DOCK1: variants seen among roughly 807,000 people sequenced by gnomAD.
The protein encoded by DOCK1 is dedicator of cytokinesis protein 1.
Under a neutral mutation model 262.7 loss-of-function variants are expected in DOCK1, and 138 were observed. The ratio of observed to expected loss-of-function variants is 0.53; its 90% CI spans 0.46 to 0.61. The LOEUF (loss-of-function observed/expected upper bound fraction) is 0.61, where lower values mean the gene tolerates loss of function less well. Among genes scored for constraint, DOCK1 ranks in the 20% least tolerant of loss-of-function variants. The pLI, the probability that DOCK1 is intolerant of heterozygous loss-of-function variation, is 0.00. For synonymous variants in DOCK1, 866 were observed against 867.4 expected, an observed-to-expected ratio of 1.00 and a Z score of 0.03; for missense variants, 1,908 against 2,370.7, an observed-to-expected ratio of 0.80 and a Z score of 4.05.
chr10:127,002,332 C>G (rs1293314792), intron 10 of DOCK1, among the ~76,000 whole-genome samples: 1 of 152,152 alleles, frequency 6.6e-6, no homozygotes, highest in Non-Finnish European at 1.5e-5. Flanking sequence ...CCTACGAATG[C>G]GTAGTTATAT....
chr10:127,373,910 A>G, intron 34 of DOCK1, 44 bp downstream of exon 34: 3 of 1,569,964 alleles, frequency 1.9e-6, no homozygotes, highest in Middle Eastern at 1.7e-4. Flanking sequence ...AGAGATACAG[A>G]GACAGAGAGA....
At chr10:127,047,955 C>T (rs966612272) in intron 21 of DOCK1, among the ~76,000 whole-genome samples, 2 of 152,100 alleles carry the variant, frequency 1.3e-5, no homozygotes, top group South Asian at 2.1e-4. Flanking sequence ...TTGGCTATTC[C>T]GAATAAGGCT....
intron 29 of DOCK1, among the ~76,000 whole-genome samples, chr10:127,282,921 C>G (rs1050616519): frequency 6.6e-6 from 1 of 152,216 alleles, no homozygotes; most frequent in Admixed American, 6.5e-5. Context: ...TGTATCCTAC[C>G]AACTGTGTTT....
At chr10:127,374,863 C>G (rs1394539226) in intron 35 of DOCK1, among the ~76,000 whole-genome samples, 2 of 152,194 alleles carry the variant, frequency 1.3e-5, no homozygotes, top group Admixed American at 6.5e-5. Context: ...AAGGATCCCC[C>G]CCTAGAGCTT....
chr10:126,905,552 A>T lies in DOCK1; in HGVS notation c.35A>T (p.Lys12Met). Residue 12 changes from lysine to methionine, a missense_variant, in exon 1 of 52, where the codon AAG becomes ATG. By Grantham distance (95) the Lys-to-Met change is moderately conservative (BLOSUM62 -1). Around this residue, in one of 9 missense-constraint regions of DOCK1, gnomAD observed 227 missense variants for 254.1 expected, o/e 0.89. Coordinates refer to ENST00000623213, the MANE Select transcript of DOCK1 (RefSeq NM_001290223.2). ...TRWVPTKREE[K>M]YGVAFYNYDA... Reference sequence around the variant, plus strand: ...TGGGTGCCCACCAAGCGCGAGGAGAAGTACGGCGTGGGTGAGCAGCGCCGC... The same window carrying T: ...TGGGTGCCCACCAAGCGCGAGGAGATGTACGGCGTGGGTGAGCAGCGCCGC... 2.1e-6 allele frequency: 1 copy of T among 478,480 alleles called. No individual in the cohort carries two copies. Among genetic ancestry groups the T allele is most frequent in the Non-Finnish European group, 3.8e-6 (1 of 262,698 alleles). The allele number at this position is 478,480 out of a possible 1,614,324, so 29.6% of individuals were successfully genotyped here. A position where few individuals can be genotyped will look rare whatever the true frequency, so the allele number is the denominator to read the frequency against.
intron 47 of DOCK1, among the ~76,000 whole-genome samples, 172 bp from the exon 48 acceptor site, chr10:127,433,111 A>G (rs2069413366): frequency 6.6e-6 from 1 of 152,206 alleles, no homozygotes; most frequent in Non-Finnish European, 1.5e-5. Context: ...AAAAGACTCA[A>G]AAATAATCAT....
At chr10:127,442,980 T>C (rs1045161732) in intron 49 of DOCK1, among the ~76,000 whole-genome samples, 5 of 152,234 alleles carry the variant, frequency 3.3e-5, no homozygotes, top group Non-Finnish European at 5.9e-5. Context: ...AACCACATGC[T>C]GGGCGGCTCC....
intron 38 of DOCK1, among the ~76,000 whole-genome samples, chr10:127,394,996 G>A (rs76580770): frequency 0.027 from 4,100 of 152,274 alleles, 180 homozygotes; most frequent in African/African-American, 0.093. Context: ...GTTACATTTC[G>A]TGCTTCTTGA....
chr10:127,020,973 G>A (rs114438356), intron 13 of DOCK1, among the ~76,000 whole-genome samples: 167 of 152,294 alleles, frequency 1.1e-3, no homozygotes, highest in African/African-American at 3.9e-3. Context: ...CCAGGCAGGC[G>A]ATGCCAAGTT....
At chr10:126,938,930 CG>C (rs1354667422) in intron 1 of DOCK1, among the ~76,000 whole-genome samples, 11 of 87,390 alleles carry the variant, frequency 1.3e-4, no homozygotes, top group Non-Finnish European at 1.6e-4. Flanking sequence ...AGGATGAACA[CG>C]GGGGGACGAA....
chr10:127,089,361 C>A (rs752691623), intron 23 of DOCK1, among the ~76,000 whole-genome samples: 1 of 152,156 alleles, frequency 6.6e-6, no homozygotes, highest in Non-Finnish European at 1.5e-5. Flanking sequence ...TGGATTCAGA[C>A]CCCCTACCCC....
chr10:127,065,705 A>T (rs6482989), intron 23 of DOCK1, among the ~76,000 whole-genome samples: 151 of 152,038 alleles, frequency 9.9e-4, no homozygotes, highest in African/African-American at 3.4e-3. Context: ...AGCTCCAGGC[A>T]TATCCTCTGC....
intron 47 of DOCK1, 65 bp downstream of exon 47, chr10:127,426,076 G>A (rs1591006333): frequency 6.2e-7 from 1 of 1,604,762 alleles, no homozygotes; most frequent in African/African-American, 1.3e-5. Context: ...TGTTGAACAG[G>A]GACAAGCTTC....
intron 48 of DOCK1, among the ~76,000 whole-genome samples, chr10:127,436,986 T>TAG (rs1447635266): frequency 3.9e-5 from 6 of 152,220 alleles, no homozygotes; most frequent in Non-Finnish European, 5.9e-5. Context: ...TTGTGTATCC[T>TAG]GTCATGGTCC....
intron 27 of DOCK1, among the ~76,000 whole-genome samples, chr10:127,187,481 A>G (rs1445509876): frequency 6.6e-6 from 1 of 152,180 alleles, no homozygotes; most frequent in African/African-American, 2.4e-5. Flanking sequence ...GAAGCTTTGG[A>G]GGAGAGCATA....
chr10:127,063,292 C>G (rs576406115), intron 23 of DOCK1, among the ~76,000 whole-genome samples: 1 of 152,252 alleles, frequency 6.6e-6, no homozygotes, highest in East Asian at 1.9e-4. Flanking sequence ...GCTTCCCAGC[C>G]TTAAAGCTTT....
intron 1 of DOCK1, among the ~76,000 whole-genome samples, chr10:126,930,318 G>A (rs1179589215): frequency 3.3e-5 from 5 of 152,230 alleles, no homozygotes; most frequent in African/African-American, 4.8e-5. Context: ...TATGGACCTC[G>A]GAGTGGAATT....
Position 127,362,224 on chromosome 10 carries a change from G to T in DOCK1, c.3432+12G>T, listed in dbSNP as rs777576948. 1 of 1,609,386 alleles carries T rather than the reference G, an allele frequency of 6.2e-7. No homozygotes were observed. Among genetic ancestry groups the T allele is most frequent in the South Asian group, 1.1e-5 (1 of 90,026 alleles). On this transcript the variant is annotated intron_variant, in intron 33 of 51. Coordinates refer to ENST00000623213, the MANE Select transcript of DOCK1 (RefSeq NM_001290223.2). ...GAAGCTTCCAAATGGTAAGGACGTA[G>T]ATGTGCAGCGAGTGGCCGGGGGACA...
intron 16 of DOCK1, 62 bp from the exon 17 acceptor site, chr10:127,031,588 T>TA: frequency 3.0e-6 from 4 of 1,315,880 alleles, no homozygotes; most frequent in Non-Finnish European, 4.3e-6. Flanking sequence ...TAGCTTCTTA[T>TA]AATGTTATTT....
Sources: gnomAD v4.1 joint callset for allele counts (sites outside exome capture counted in the v4.1 genomes callset) on GRCh38, gnomAD v4.1.1 for gene constraint, gnomAD v4.1.1 regional missense constraint, MANE v1.5 for transcripts, NCBI Gene and HGNC (gene_info 2026-07-23, HGNC 2026-07-21) for gene names.